SIK3: variants seen among roughly 807,000 people sequenced by gnomAD.
SIK3 encodes the protein SIK family kinase 3.
Under a neutral mutation model 144.2 loss-of-function variants are expected in SIK3, and 28 were observed. The observed-to-expected ratio is 0.19, with a 90% CI of 0.14 to 0.27. The LOEUF (loss-of-function observed/expected upper bound fraction) is 0.27, where lower values mean the gene tolerates loss of function less well. Ranked by LOEUF, SIK3 falls within the 10% of genes least tolerant of loss-of-function variation. The pLI, the probability that SIK3 is intolerant of heterozygous loss-of-function variation, is 1.00. For synonymous variants in SIK3, 686 were observed against 676.3 expected (o/e 1.01, Z -0.22); for missense variants, 1,319 against 1,776.0 (o/e 0.74, Z 4.62).
chr11:116,875,933 G>A lies in SIK3; in HGVS notation c.1172C>T (p.Thr391Ile). Reference sequence around the variant, plus strand: ...GCTAGGAAGTGCTCCGAGACGCAGGGTTTTATGTCTCTTATGTCGATCACA... The same window carrying A: ...GCTAGGAAGTGCTCCGAGACGCAGGATTTTATGTCTCTTATGTCGATCACA... ...LLCDRHKRHK[T>I]LRLGALPSMP... Residue 391 changes from threonine (T) to isoleucine (I), a missense_variant, in exon 9 of 25, where the codon ACC (threonine) becomes ATC (isoleucine). Around this residue, in one of 8 missense-constraint regions of SIK3, gnomAD observed 109 missense variants for 109.3 expected, o/e 1.00. Transcript: ENST00000445177. 6.2e-7 allele frequency: 1 copy of A among 1,613,394 alleles called. No homozygotes were observed. Among genetic ancestry groups the A allele is most frequent in the South Asian group, 1.1e-5 (1 of 91,036 alleles).
chr11:116,856,196 C>CAA (rs780021390), intron 21 of SIK3, among the ~76,000 whole-genome samples: 1,353 of 115,524 alleles, frequency 0.012, 20 homozygotes, highest in Non-Finnish European at 0.016. Flanking sequence ...GACTCCGTCT[C>CAA]AAAAAAAAAA....
At chr11:116,902,090 C>G (rs576570741) in intron 4 of SIK3, among the ~76,000 whole-genome samples, 91 of 152,288 alleles carry the variant, frequency 6.0e-4, no homozygotes, top group Non-Finnish European at 9.8e-4. Flanking sequence ...AGGAGAAATG[C>G]GAATGATTCT....
intron 21 of SIK3, among the ~76,000 whole-genome samples, chr11:116,856,577 T>TCC (rs1288915791): frequency 3.3e-5 from 5 of 152,186 alleles, no homozygotes; most frequent in African/African-American, 1.2e-4. Context: ...GCTCCCACCC[T>TCC]CCTATGTCTA....
intron 3 of SIK3, among the ~76,000 whole-genome samples, chr11:116,940,908 A>T (rs1392458502): frequency 6.6e-6 from 1 of 152,196 alleles, no homozygotes; most frequent in East Asian, 1.9e-4. Flanking sequence ...ATACAAGTCA[A>T]TTATTTTGAT....
intron 1 of SIK3, among the ~76,000 whole-genome samples, chr11:117,006,452 T>C (rs1591522227): frequency 6.6e-6 from 1 of 152,052 alleles, no homozygotes; most frequent in East Asian, 1.9e-4. Context: ...GATCCTTCTA[T>C]TAAACAAGGA....
chr11:117,033,948 G>A (rs1952381918), intron 1 of SIK3, among the ~76,000 whole-genome samples: 1 of 152,070 alleles, frequency 6.6e-6, no homozygotes, highest in African/African-American at 2.4e-5. Flanking sequence ...ATAGCCATTT[G>A]TCACTGGAGG....
intron 1 of SIK3, among the ~76,000 whole-genome samples, chr11:116,970,450 GGTTA>G (rs1301769884): frequency 5.3e-5 from 8 of 152,010 alleles, no homozygotes; most frequent in African/African-American, 1.7e-4. Context: ...TCTCAATCTT[GGTTA>G]GTTAAAGTAA....
At chr11:116,947,937 C>CT (rs548891642) in intron 3 of SIK3, among the ~76,000 whole-genome samples, 10,602 of 133,766 alleles carry the variant, frequency 0.079, 505 homozygotes, top group Middle Eastern at 0.14. Context: ...TCTAAGCTGA[C>CT]TTTTTTTTTT....
rs1261454700 is a variant in SIK3, at chr11:116,876,910, G to A, written c.984+14C>T. ...TTTCAGAGGAGTCCCCTGCAGCAGC[G>A]GTTCCCAGCTCACCCTGTCAAAGTT... is the stretch of plus-strand genomic sequence containing the variant. On this transcript the variant is annotated intron_variant, in intron 7 of 24. Coordinates refer to ENST00000445177, the MANE Select transcript of SIK3 (RefSeq NM_001366686.3). 17 of 1,606,594 alleles carry A rather than the reference G, an allele frequency of 1.1e-5. No individual in the cohort carries two copies. Among genetic ancestry groups the A allele is most frequent in the East Asian group, 2.2e-5 (1 of 44,850 alleles).
Position 116,867,967 on chromosome 11 carries a change from T to G in SIK3, c.1931A>C (p.His644Pro), listed in dbSNP as rs749002804. ...TCACCGATGCTGATCAGGTACCAGG[T>G]GAGGAGGCCAGACCCGGGAACGGAA... ...QPFRSRVWPP[H>P]LVPDQHRSTY... The change falls in exon 15 of 25, where the codon CAC (histidine) becomes CCC (proline). Residue 644 changes from histidine to proline, a missense_variant. By Grantham distance (77) the His-to-Pro change is moderately conservative. Transcript: ENST00000445177. The surrounding 1 kb of genome is among the most constrained non-coding windows in gnomAD (Gnocchi z 4.1). 3.0e-4 allele frequency: 463 copies of G among 1,547,702 alleles called. No individual in the cohort carries two copies. Among genetic ancestry groups the G allele is most frequent in the Non-Finnish European group, 3.9e-4 (451 of 1,145,394 alleles).
chr11:117,040,814 ATTTTC>A (rs984361301), intron 1 of SIK3, among the ~76,000 whole-genome samples: 13 of 152,084 alleles, frequency 8.5e-5, no homozygotes, highest in East Asian at 1.9e-4. Context: ...CTATCATCAT[ATTTTC>A]TTTTCTTTTC....
intron 1 of SIK3, among the ~76,000 whole-genome samples, chr11:117,094,298 C>A (rs933179874): frequency 2.0e-5 from 3 of 152,104 alleles, no homozygotes; most frequent in Admixed American, 1.3e-4. Context: ...GTCATGCATA[C>A]TTTAAAAAAT....
chr11:116,970,452 T>C (rs980687494), intron 1 of SIK3, among the ~76,000 whole-genome samples: 2 of 152,172 alleles, frequency 1.3e-5, no homozygotes, highest in African/African-American at 4.8e-5. Context: ...TCAATCTTGG[T>C]TAGTTAAAGT....
intron 1 of SIK3, among the ~76,000 whole-genome samples, chr11:116,993,036 A>T (rs955382902): frequency 3.9e-5 from 6 of 152,066 alleles, no homozygotes; most frequent in African/African-American, 1.2e-4. Flanking sequence ...ACAGATTTTT[A>T]TTTTATTTTA....
chr11:116,901,514 A>G (rs1281627315), intron 4 of SIK3, among the ~76,000 whole-genome samples: 1 of 152,186 alleles, frequency 6.6e-6, no homozygotes, highest in Non-Finnish European at 1.5e-5. Flanking sequence ...TGAGAAGATG[A>G]ATACTCTCAT....
intron 1 of SIK3, among the ~76,000 whole-genome samples, chr11:117,019,371 A>G (rs1951671755): frequency 6.6e-6 from 1 of 152,198 alleles, no homozygotes; most frequent in South Asian, 2.1e-4. Flanking sequence ...AAATGTATAT[A>G]TCACAGAATT....
chr11:116,931,220 A>G (rs1433643149), intron 3 of SIK3, among the ~76,000 whole-genome samples: 2 of 152,164 alleles, frequency 1.3e-5, no homozygotes, highest in Admixed American at 1.3e-4. Flanking sequence ...TCGATTTTGA[A>G]TTTTCTAAAG....
chr11:116,876,184 C>T (rs563832084), intron 8 of SIK3, 69 bp downstream of exon 8: 16 of 1,527,130 alleles, frequency 1.0e-5, no homozygotes, highest in South Asian at 3.5e-5. Flanking sequence ...CCCGAGAAGG[C>T]GAAAAATGGA....
At chr11:116,954,330 A>G (rs1949060556) in intron 2 of SIK3, among the ~76,000 whole-genome samples, 2 of 152,208 alleles carry the variant, frequency 1.3e-5, no homozygotes, top group Non-Finnish European at 2.9e-5. Context: ...TTATTGCTTG[A>G]GAGAGATAGG....
Sources: gnomAD v4.1 joint callset for allele counts (sites outside exome capture counted in the v4.1 genomes callset) on GRCh38, gnomAD v4.1.1 for gene constraint, gnomAD v4.1.1 regional missense constraint, Gnocchi (gnomAD v3.1) non-coding constraint, MANE v1.5 for transcripts, NCBI Gene and HGNC (gene_info 2026-07-23, HGNC 2026-07-21) for gene names.